The following LAMA2 variants were observed in gnomAD, a reference collection of about 807,000 sequenced individuals.
The protein encoded by LAMA2 is laminin subunit alpha 2, also known as laminin subunit alpha-2.
In LAMA2, 269 loss-of-function variants were observed where a neutral mutation model predicts 364.8. The ratio of observed to expected loss-of-function variants is 0.74; its 90% CI spans 0.67 to 0.82. The LOEUF is 0.82. LAMA2 is among the 40% of genes least tolerant of loss of function. The pLI is 0.00. For synonymous variants in LAMA2, 1,379 were observed against 1,370.6 expected, an observed-to-expected ratio of 1.01 and a Z score of -0.14; for missense variants, 3,807 against 3,873.2, an observed-to-expected ratio of 0.98 and a Z score of 0.45.
chr6:129,409,629 A>G (rs6929916), intron 40 of LAMA2, among the ~76,000 whole-genome samples: 76,263 of 152,028 alleles, frequency 0.5, 19,625 homozygotes, highest in African/African-American at 0.62. Context: ...AATGGAGAGT[A>G]GTGATCTGCA....
At chr6:129,124,904 T>C (rs1777025552) in intron 4 of LAMA2, among the ~76,000 whole-genome samples, 1 of 152,166 alleles carries the variant, frequency 6.6e-6, no homozygotes, top group African/African-American at 2.4e-5. Context: ...GTTGGATTGA[T>C]GTCAGAACAC....
intron 1 of LAMA2, among the ~76,000 whole-genome samples, chr6:129,030,662 T>C (rs1157320904): frequency 6.6e-6 from 1 of 152,142 alleles, no homozygotes; most frequent in African/African-American, 2.4e-5. Context: ...GTACATAACA[T>C]GTGACAAAGA....
intron 2 of LAMA2, among the ~76,000 whole-genome samples, chr6:129,057,153 T>A (rs1031484519): frequency 6.6e-6 from 1 of 152,218 alleles, no homozygotes; most frequent in Admixed American, 6.5e-5. Flanking sequence ...TTTTACCAAG[T>A]ACAACTTGTC....
intron 1 of LAMA2, among the ~76,000 whole-genome samples, chr6:128,993,418 T>G (rs574495282): frequency 1.7e-4 from 26 of 152,332 alleles, no homozygotes; most frequent in South Asian, 6.2e-4. Flanking sequence ...TCAAATTTAC[T>G]TATGTATGTT....
chr6:129,393,631 C>T (rs2437097), intron 37 of LAMA2, among the ~76,000 whole-genome samples: 61,230 of 151,628 alleles, frequency 0.4, 14,650 homozygotes, highest in Non-Finnish European at 0.54. Context: ...CATCAGTTCC[C>T]CAAATCTACA....
chr6:129,217,814 C>T (rs913789835), intron 12 of LAMA2, among the ~76,000 whole-genome samples: 3 of 152,094 alleles, frequency 2.0e-5, no homozygotes, highest in African/African-American at 7.2e-5. Context: ...ACAAAGACAC[C>T]TCCTATTTAT....
At chr6:129,425,350 C>G (rs1781273655) in intron 40 of LAMA2, among the ~76,000 whole-genome samples, 1 of 152,048 alleles carries the variant, frequency 6.6e-6, no homozygotes, top group South Asian at 2.1e-4. Context: ...GCCTCTTTCA[C>G]TGTTGTTTGG....
chr6:129,094,316 G>A (rs1775037904), intron 3 of LAMA2, among the ~76,000 whole-genome samples: 1 of 152,160 alleles, frequency 6.6e-6, no homozygotes, highest in Admixed American at 6.5e-5. Flanking sequence ...GAATGTGAAA[G>A]AACCCATAGA....
At chr6:129,459,995 CT>C (rs1332115975) in intron 48 of LAMA2, among the ~76,000 whole-genome samples, 1 of 151,962 alleles carries the variant, frequency 6.6e-6, no homozygotes, top group African/African-American at 2.4e-5. Flanking sequence ...AATAGTTGAG[CT>C]TTTCCCCTGT....
chr6:128,921,143 G>T (rs375586301), intron 1 of LAMA2, among the ~76,000 whole-genome samples: 1 of 152,096 alleles, frequency 6.6e-6, no homozygotes, highest in Non-Finnish European at 1.5e-5. Flanking sequence ...TAGGAATTAC[G>T]TTTAAATTTG....
chr6:129,447,919 T>A (rs1010983675), intron 45 of LAMA2, among the ~76,000 whole-genome samples: 1 of 152,224 alleles, frequency 6.6e-6, no homozygotes, highest in African/African-American at 2.4e-5. Flanking sequence ...GATTTCTGAG[T>A]GCTTTTCCCC....
chr6:129,169,906 G>C (rs1297658913), intron 9 of LAMA2, among the ~76,000 whole-genome samples: 9 of 147,994 alleles, frequency 6.1e-5, no homozygotes, highest in Non-Finnish European at 8.9e-5. Flanking sequence ...TGTATGTGTC[G>C]AGGAATTTAT....
chr6:129,256,768 A>AG (rs1364684481), intron 14 of LAMA2, among the ~76,000 whole-genome samples: 1 of 94,000 alleles, frequency 1.1e-5, no homozygotes, highest in African/African-American at 3.8e-5. Context: ...TATAGCATAT[A>AG]TATATATATA....
rs144215788 is a variant in LAMA2 at position 129,085,509 on chromosome 6, C to T, written c.397-12664C>T. On this transcript the variant is annotated intron_variant, in intron 3 of 64. Transcript: ENST00000421865. ...AGTCCTAGTTTGATTAAACTAGACA[C>T]TTGATTTTCTCCAATGGTAACATGT... Among the ~76,000 whole-genome samples, 890 of 152,246 alleles carry T rather than the reference C, an allele frequency of 5.8e-3. 7 individuals carry two copies. The highest frequency in any genetic ancestry group is 0.011 in the Non-Finnish European group (715 of 68,000).
At chr6:128,898,435 T>G (rs909022025) in intron 1 of LAMA2, among the ~76,000 whole-genome samples, 2 of 152,212 alleles carry the variant, frequency 1.3e-5, no homozygotes, top group African/African-American at 2.4e-5. Flanking sequence ...TTGAATCAAA[T>G]TTGACATCTA....
intron 32 of LAMA2, among the ~76,000 whole-genome samples, chr6:129,363,521 C>T (rs954321308): frequency 1.3e-5 from 2 of 152,166 alleles, no homozygotes; most frequent in African/African-American, 4.8e-5. Flanking sequence ...ATTCTGATTT[C>T]CTAGATCTGG....
intron 12 of LAMA2, among the ~76,000 whole-genome samples, chr6:129,214,858 A>T (rs1253051971): frequency 6.6e-6 from 1 of 152,230 alleles, no homozygotes. Flanking sequence ...GAATCTACAC[A>T]AATTGGGAAG....
At chr6:129,040,578 A>G (rs1008615679) in intron 1 of LAMA2, among the ~76,000 whole-genome samples, 1 of 152,202 alleles carries the variant, frequency 6.6e-6, no homozygotes, top group African/African-American at 2.4e-5. Context: ...TCAGTGTGCC[A>G]TGATCATGCC....
At chr6:128,910,646 C>T (rs909713701) in intron 1 of LAMA2, among the ~76,000 whole-genome samples, 34 of 152,232 alleles carry the variant, frequency 2.2e-4, no homozygotes, top group Non-Finnish European at 4.6e-4. Flanking sequence ...TCGTCAAAGT[C>T]GTTCTCCGTC....
Sources: gnomAD v4.1 joint callset for allele counts (sites outside exome capture counted in the v4.1 genomes callset) on GRCh38, gnomAD v4.1.1 for gene constraint, MANE v1.5 for transcripts, NCBI Gene and HGNC (gene_info 2026-07-23, HGNC 2026-07-21) for gene names.